The following TGFBI variants were observed in gnomAD, a reference collection of about 807,000 sequenced individuals.
TGFBI encodes the protein transforming growth factor beta induced.
In TGFBI, 50 loss-of-function variants were observed where a neutral mutation model predicts 73.7. The ratio of observed to expected loss-of-function variants is 0.68; its 90% CI spans 0.54 to 0.86. The LOEUF (loss-of-function observed/expected upper bound fraction) is 0.86, where lower values mean the gene tolerates loss of function less well. Ranked by LOEUF, TGFBI falls within the 40% of genes least tolerant of loss-of-function variation. The pLI is 0.00. For synonymous variants in TGFBI, 362 were observed against 360.5 expected, an observed-to-expected ratio of 1.00 and a Z score of -0.05; for missense variants, 839 against 877.0, an observed-to-expected ratio of 0.96 and a Z score of 0.55.
At chr5:136,052,780 GC>G (rs1689345288) in intron 7 of TGFBI, 126 bp from the exon 8 acceptor site, 2 of 918,872 alleles carry the variant, frequency 2.2e-6, no homozygotes, top group African/African-American at 3.3e-5. Context: ...GCCCTGTGGT[GC>G]CCCAGCCTCA....
chr5:136,060,002 T>C (rs1050169897), intron 13 of TGFBI, among the ~76,000 whole-genome samples: 2 of 152,180 alleles, frequency 1.3e-5, no homozygotes, highest in African/African-American at 4.8e-5. Flanking sequence ...CCCCCTTGAG[T>C]TTGTCACATG....
At chr5:136,054,977 A>T in intron 10 of TGFBI, 116 bp downstream of exon 10, 1 of 1,236,238 alleles carries the variant, frequency 8.1e-7, no homozygotes, top group Non-Finnish European at 1.1e-6. Flanking sequence ...GGTTGCTGAC[A>T]AGGAAGGAAA....
At chr5:136,044,567 T>C (rs542480445) in intron 3 of TGFBI, among the ~76,000 whole-genome samples, 3 of 152,314 alleles carry the variant, frequency 2.0e-5, no homozygotes, top group African/African-American at 7.2e-5. Context: ...GCCATCCCCA[T>C]CTCCCTCTGT....
intron 6 of TGFBI, chr5:136,048,343 A>C (rs1322872926): frequency 6.6e-6 from 1 of 152,234 alleles, no homozygotes; most frequent in Non-Finnish European, 1.5e-5. Context: ...CTTACTGTTT[A>C]GATTTGGTAA....
At chr5:136,037,515 T>C (rs1025357491) in intron 2 of TGFBI, among the ~76,000 whole-genome samples, 4 of 152,210 alleles carry the variant, frequency 2.6e-5, no homozygotes, top group African/African-American at 7.2e-5. Context: ...CAAGTCCAAG[T>C]TGACATCATG....
At position 136,037,916 on chromosome 5, in the gene TGFBI, C is replaced by T. The variant is rs552918836; in HGVS notation, c.233+4055C>T. ...TGACGTGAAGGTGAAGAAGAGCTGT[C>T]GTTTTCCTCCCTTATATCCCACAAC... On this transcript the variant is annotated intron_variant, in intron 2 of 16. Coordinates refer to ENST00000442011, the MANE Select transcript of TGFBI (RefSeq NM_000358.3). 3.3e-3 allele frequency among the ~76,000 whole-genome samples: 502 copies of T among 152,246 alleles called. 5 individuals carry two copies. The highest frequency in any genetic ancestry group is 0.012 in the African/African-American group (492 of 41,528).
chr5:136,060,201 TC>T (rs1413170648), intron 13 of TGFBI, among the ~76,000 whole-genome samples: 1 of 152,212 alleles, frequency 6.6e-6, no homozygotes, highest in Admixed American at 6.5e-5. Context: ...AGTCTCAGTC[TC>T]CTCTTCTGTG....
intron 1 of TGFBI, among the ~76,000 whole-genome samples, chr5:136,032,585 A>G (rs909959667): frequency 2.0e-5 from 3 of 152,222 alleles, no homozygotes; most frequent in African/African-American, 7.2e-5. Context: ...ATGTTAAAGA[A>G]ATACTTCATC....
Position 136,061,723 on chromosome 5 carries a change from C to T in TGFBI, c.1986+144C>T, listed in dbSNP as rs1012032905. On this transcript the variant is annotated intron_variant, in intron 15 of 16. Coordinates refer to ENST00000442011, the MANE Select transcript of TGFBI (RefSeq NM_000358.3). ...TTCTCCCCACTCCCACTGAGGCATC[C>T]TCAGCCCCAGCCTGTGTCAAATTCA... The T allele has an allele frequency of 5.6e-6, 4 of 720,058 alleles. No homozygotes were observed. The African/African-American group carries it at 7.0e-5, about 13-fold the overall frequency. The allele number at this position is 720,058 out of a possible 1,614,324, so 44.6% of individuals were successfully genotyped here.
intron 12 of TGFBI, among the ~76,000 whole-genome samples, chr5:136,058,108 G>T (rs529356727): frequency 6.6e-6 from 1 of 152,304 alleles, no homozygotes. Context: ...CCAGGGGCTG[G>T]TGTGGCTCTG....
intron 12 of TGFBI, among the ~76,000 whole-genome samples, chr5:136,058,504 A>T (rs913146634): frequency 6.6e-6 from 1 of 152,154 alleles, no homozygotes; most frequent in African/African-American, 2.4e-5. Flanking sequence ...TGACGAGGAG[A>T]GATGCTGCGG....
chr5:136,060,209 T>C (rs1199200229), intron 13 of TGFBI, among the ~76,000 whole-genome samples: 1 of 152,230 alleles, frequency 6.6e-6, no homozygotes, highest in Admixed American at 6.5e-5. Context: ...TCTCCTCTTC[T>C]GTGGAATGGG....
At chr5:136,057,151 C>T (rs1274388783) in intron 12 of TGFBI, among the ~76,000 whole-genome samples, 1 of 152,182 alleles carries the variant, frequency 6.6e-6, no homozygotes, top group Non-Finnish European at 1.5e-5. Flanking sequence ...CCCTCTCAGA[C>T]AGTTGCCATC....
Position 136,040,295 on chromosome 5 carries a change from A to G in TGFBI, c.234-3763A>G, listed in dbSNP as rs141627916. On this transcript the variant is annotated intron_variant, in intron 2 of 16. Coordinates refer to ENST00000442011, the MANE Select transcript of TGFBI (RefSeq NM_000358.3). ...TCTTCTAAATTAGGTGCCTTCCCTA[A>G]TTTAGGCACCTTCCCAGTACTAGTC... 2.3e-3 allele frequency among the ~76,000 whole-genome samples: 349 copies of G among 152,188 alleles called. 1 individual carries two copies. Among genetic ancestry groups the G allele is most frequent in the African/African-American group, 8.1e-3 (336 of 41,510 alleles).
At chr5:136,057,493 T>G (rs2126915829) in intron 12 of TGFBI, among the ~76,000 whole-genome samples, 1 of 152,136 alleles carries the variant, frequency 6.6e-6, no homozygotes, top group Non-Finnish European at 1.5e-5. Flanking sequence ...TCTTGCAGCC[T>G]GTGTTGGGAG....
intron 8 of TGFBI, 43 bp from the exon 9 acceptor site, chr5:136,053,900 A>G (rs1157526251): frequency 6.2e-7 from 1 of 1,609,232 alleles, no homozygotes. Context: ...ATAAATGAAA[A>G]CAGCGCTTTT....
Position 136,029,088 on chromosome 5 carries a change from C to G in TGFBI, c.33C>G (p.Ala11=), listed in dbSNP as rs1335710219. Residue 11 remains alanine, a synonymous_variant, in exon 1 of 17, where the codon GCC becomes GCG. Transcript: ENST00000442011. MALFVRLLAL[A]LALALGPAAT... ...TCTTCGTGCGGCTGCTGGCTCTCGC[C>G]CTGGCTCTGGCCCTGGGCCCCGCCG... The G allele has an allele frequency of 6.5e-7, 1 of 1,527,814 alleles. No individual in the cohort carries two copies. The highest frequency in any genetic ancestry group is 2.0e-5 in the Admixed American group (1 of 50,712). 94.6% of individuals were successfully genotyped at this position (1,527,814 alleles called of 1,614,324 possible). A position where few individuals can be genotyped will look rare whatever the true frequency, so the allele number is the denominator to read the frequency against.
chr5:136,036,068 G>T lies in TGFBI; in HGVS notation c.233+2207G>T, dbSNP rs139562700. ...CTTTGTGTGCCAGGACAAGGCACAA[G>T]CAACAGAGCTGTGTGTTGCCAAAAT... is the stretch of plus-strand genomic sequence containing the variant. On this transcript the variant is annotated intron_variant, in intron 2 of 16. Transcript: ENST00000442011. Among the ~76,000 whole-genome samples, 1,369 of 152,340 alleles carry T rather than the reference G, an allele frequency of 9.0e-3. 21 individuals carry two copies. Among genetic ancestry groups the T allele is most frequent in the African/African-American group, 0.031 (1,298 of 41,576 alleles).
intron 7 of TGFBI, among the ~76,000 whole-genome samples, chr5:136,051,384 C>T (rs1319653457): frequency 6.6e-6 from 1 of 152,062 alleles, no homozygotes; most frequent in Non-Finnish European, 1.5e-5. Flanking sequence ...AAGCCCAGAT[C>T]ATGCCACTGC....
Sources: gnomAD v4.1 joint callset for allele counts (sites outside exome capture counted in the v4.1 genomes callset) on GRCh38, gnomAD v4.1.1 for gene constraint, MANE v1.5 for transcripts, NCBI Gene and HGNC (gene_info 2026-07-23, HGNC 2026-07-21) for gene names.